The following NRXN1 variants were observed in gnomAD, a reference collection of about 807,000 sequenced individuals.
NRXN1 encodes neurexin-1.
NRXN1 carries 39 observed loss-of-function variants against 150.9 expected under a neutral mutation model. The observed-to-expected ratio is 0.26, with a 90% CI of 0.20 to 0.34. The LOEUF is 0.34. Among genes scored for constraint, NRXN1 ranks in the 10% least tolerant of loss-of-function variants. NRXN1 has a pLI of 1.00. For synonymous variants in NRXN1, 924 were observed against 757.0 expected, an observed-to-expected ratio of 1.22 and a Z score of -3.62; for missense variants, 1,815 against 1,949.9, an observed-to-expected ratio of 0.93 and a Z score of 1.30.
chr2:50,958,297 T>C (rs950163541), intron 2 of NRXN1, among the ~76,000 whole-genome samples: 4 of 152,140 alleles, frequency 2.6e-5, no homozygotes, highest in South Asian at 2.1e-4. Context: ...AGTAGAATTC[T>C]AGATACAAGT....
chr2:50,143,913 T>C (rs898352937), intron 18 of NRXN1, among the ~76,000 whole-genome samples: 1 of 151,950 alleles, frequency 6.6e-6, no homozygotes, highest in South Asian at 2.1e-4. Flanking sequence ...GTTACCCGTA[T>C]AGAATACTAA....
intron 17 of NRXN1, among the ~76,000 whole-genome samples, chr2:50,387,901 A>C (rs149901557): frequency 1.9e-3 from 282 of 152,356 alleles, no homozygotes; most frequent in African/African-American, 6.8e-3. Flanking sequence ...GACAATAAAT[A>C]TCAAATCCAC....
chr2:50,484,666 G>T (rs534462507), intron 15 of NRXN1, among the ~76,000 whole-genome samples: 2 of 152,184 alleles, frequency 1.3e-5, no homozygotes, highest in Non-Finnish European at 2.9e-5. Context: ...AGGACACACA[G>T]CAATTAAAGT....
At chr2:50,737,729 T>G (rs1445326315) in intron 5 of NRXN1, among the ~76,000 whole-genome samples, 1 of 152,186 alleles carries the variant, frequency 6.6e-6, no homozygotes, top group African/African-American at 2.4e-5. Flanking sequence ...AACTTTGCAA[T>G]TTTTAAAATC....
chr2:50,469,942 C>T (rs1033097431), intron 16 of NRXN1, among the ~76,000 whole-genome samples: 1 of 151,398 alleles, frequency 6.6e-6, no homozygotes, highest in Non-Finnish European at 1.5e-5. Context: ...AACATCATTA[C>T]TGCAAATGCC....
At chr2:50,455,579 C>A in intron 17 of NRXN1, among the ~76,000 whole-genome samples, 1 of 152,182 alleles carries the variant, frequency 6.6e-6, no homozygotes, top group East Asian at 1.9e-4. Context: ...TTAATTACTT[C>A]TGTAATGTCT....
intron 17 of NRXN1, among the ~76,000 whole-genome samples, chr2:50,281,967 AAATT>A (rs1323356278): frequency 6.6e-6 from 1 of 152,170 alleles, no homozygotes; most frequent in Admixed American, 6.5e-5. Context: ...TAATATTGAG[AAATT>A]AATTCCATTG....
chr2:50,925,107 A>C (rs1235997597), intron 3 of NRXN1, among the ~76,000 whole-genome samples: 1 of 151,870 alleles, frequency 6.6e-6, no homozygotes, highest in African/African-American at 2.4e-5. Flanking sequence ...TTGATAGAAC[A>C]TATATAATTT....
At chr2:50,724,630 T>C (rs576948768) in intron 5 of NRXN1, among the ~76,000 whole-genome samples, 9 of 152,302 alleles carry the variant, frequency 5.9e-5, no homozygotes, top group African/African-American at 1.9e-4. Flanking sequence ...AATATTACAT[T>C]TTTAACTTGG....
At chr2:50,913,840 C>T (rs1008592) in intron 5 of NRXN1, among the ~76,000 whole-genome samples, 151,236 of 151,782 alleles carry the variant, frequency 1, 75,345 homozygotes, top group Middle Eastern at 1. Context: ...GAATACATCC[C>T]GAAAATGGTA....
chr2:50,223,752 G>T (rs1454996342), intron 18 of NRXN1, among the ~76,000 whole-genome samples: 1 of 151,934 alleles, frequency 6.6e-6, no homozygotes, highest in African/African-American at 2.4e-5. Flanking sequence ...TCATTTACAT[G>T]CTTAAGTACA....
intron 17 of NRXN1, among the ~76,000 whole-genome samples, chr2:50,377,084 T>C (rs543496767): frequency 6.6e-6 from 1 of 152,248 alleles, no homozygotes; most frequent in South Asian, 2.1e-4. Context: ...TTTCTCCCAT[T>C]TTTTTCTTTT....
intron 5 of NRXN1, among the ~76,000 whole-genome samples, chr2:50,700,054 T>TA (rs1372239353): frequency 6.6e-6 from 1 of 152,064 alleles, no homozygotes; most frequent in African/African-American, 2.4e-5. Context: ...TAATAGTCTT[T>TA]AAAAAAAATT....
At chr2:51,010,813 C>G (rs1267562848) in intron 2 of NRXN1, among the ~76,000 whole-genome samples, 1 of 147,616 alleles carries the variant, frequency 6.8e-6, no homozygotes, top group African/African-American at 2.5e-5. Context: ...TTTTTTTGGT[C>G]TTGCTTTGCC....
chr2:50,435,660 A>T (rs1274318395), intron 17 of NRXN1, among the ~76,000 whole-genome samples: 2 of 152,160 alleles, frequency 1.3e-5, no homozygotes, highest in African/African-American at 4.8e-5. Flanking sequence ...GTATATACCC[A>T]ATAATGGGAT....
intron 18 of NRXN1, among the ~76,000 whole-genome samples, chr2:50,186,349 CAA>C (rs1422031287): frequency 3.2e-4 from 49 of 151,990 alleles, no homozygotes. Context: ...TGTAAATTGT[CAA>C]AGATATCAGA....
chr2:50,745,601 T>C (rs1699928311), intron 5 of NRXN1, among the ~76,000 whole-genome samples: 2 of 151,998 alleles, frequency 1.3e-5, no homozygotes, highest in Non-Finnish European at 2.9e-5. Context: ...ACTGGGTAAT[T>C]TATAAAGGAA....
intron 7 of NRXN1, among the ~76,000 whole-genome samples, chr2:50,620,804 T>C (rs1451969717): frequency 6.6e-6 from 1 of 151,904 alleles, no homozygotes; most frequent in Non-Finnish European, 1.5e-5. Flanking sequence ...AGGAAAAACA[T>C]AAAAATAAAA....
chr2:51,003,919 A>G (rs1446924510), intron 2 of NRXN1, among the ~76,000 whole-genome samples: 1 of 151,948 alleles, frequency 6.6e-6, no homozygotes, highest in Admixed American at 6.6e-5. Context: ...TCATCTTTTT[A>G]GCACATTAAG....
Sources: allele counts gnomAD v4.1 joint callset (sites outside exome capture counted in the v4.1 genomes callset), GRCh38; gene constraint gnomAD v4.1.1; transcripts MANE v1.5; gene names NCBI Gene and HGNC (gene_info 2026-07-23, HGNC 2026-07-21).